The following CALN1 variants were observed in gnomAD, a reference collection of about 807,000 sequenced individuals.
CALN1 encodes the protein calneuron 1, also known as calcium-binding protein 8.
CALN1 carries 17 observed loss-of-function variants against 30.6 expected under a neutral mutation model. That is an observed-to-expected ratio of 0.56 (90% confidence interval 0.38 to 0.83). The LOEUF is 0.83. CALN1 is among the 40% of genes least tolerant of loss of function. The probability of loss-of-function intolerance (pLI) is 0.00; values close to 1 mark genes in which losing one functional copy is unlikely to be tolerated. For synonymous variants in CALN1, 156 were observed against 131.4 expected, an observed-to-expected ratio of 1.19 and a Z score of -1.28; for missense variants, 291 against 354.9, an observed-to-expected ratio of 0.82 and a Z score of 1.45.
intron 5 of CALN1, chr7:71,913,773 A>G (rs1421979979): frequency 1.3e-5 from 2 of 152,250 alleles, no homozygotes; most frequent in African/African-American, 4.8e-5. Context: ...GTGGTCTCCC[A>G]TCCATGCACT....
intron 5 of CALN1, among the ~76,000 whole-genome samples, chr7:71,881,816 T>C (rs971668732): frequency 5.3e-5 from 8 of 151,974 alleles, no homozygotes; most frequent in African/African-American, 9.7e-5. Flanking sequence ...CTCATGCCTG[T>C]AATCCCAGCA....
At chr7:72,288,939 T>C (rs980856576) in intron 2 of CALN1, among the ~76,000 whole-genome samples, 1 of 152,246 alleles carries the variant, frequency 6.6e-6, no homozygotes, top group Non-Finnish European at 1.5e-5. Context: ...TCTTGCAGGC[T>C]ACTCCTTTGT....
At chr7:72,344,002 A>G (rs1198196771) in intron 2 of CALN1, among the ~76,000 whole-genome samples, 1 of 152,124 alleles carries the variant, frequency 6.6e-6, no homozygotes, top group Admixed American at 6.5e-5. Flanking sequence ...CAGGAGACTA[A>G]AGATAAAGAA....
At chr7:72,310,902 C>T (rs766551640) in intron 2 of CALN1, among the ~76,000 whole-genome samples, 6 of 78,012 alleles carry the variant, frequency 7.7e-5, no homozygotes, top group East Asian at 3.8e-4. Flanking sequence ...AGCAAGACTC[C>T]GTCTTAAAAA....
chr7:71,904,637 C>T (rs1335198652), intron 5 of CALN1, among the ~76,000 whole-genome samples: 2 of 152,144 alleles, frequency 1.3e-5, no homozygotes, highest in Non-Finnish European at 2.9e-5. Context: ...TATCGTACAG[C>T]AAGCTGACTA....
intron 3 of CALN1, among the ~76,000 whole-genome samples, chr7:72,110,472 C>T (rs1563067208): frequency 6.6e-6 from 1 of 152,188 alleles, no homozygotes; most frequent in Admixed American, 6.5e-5. Flanking sequence ...AAGCCCAGGA[C>T]AGCGCAGGCC....
Position 71,787,600 on chromosome 7 carries a change from T to C in CALN1, c.*175A>G, listed in dbSNP as rs1304805671. 1.5e-5 allele frequency: 11 copies of C among 752,052 alleles called. No individual in the cohort carries two copies. The highest frequency in any genetic ancestry group is 1.7e-5 in the African/African-American group (1 of 57,156). 46.6% of individuals were successfully genotyped at this position (752,052 alleles called of 1,614,324 possible). A position where few individuals can be genotyped will look rare whatever the true frequency, so the allele number is the denominator to read the frequency against. On this transcript the variant is annotated 3_prime_UTR_variant, in exon 7 of 7. Coordinates refer to ENST00000395275, the MANE Select transcript of CALN1 (RefSeq NM_031468.4). ...CCCTTTAGTGTCCCTGCCAAGGAGATGAAGCTGAAGTGCAACCCCAGTTGC... is the reference window on the plus strand; with the variant it reads ...CCCTTTAGTGTCCCTGCCAAGGAGACGAAGCTGAAGTGCAACCCCAGTTGC...
chr7:72,244,650 T>C (rs990594636), intron 3 of CALN1, among the ~76,000 whole-genome samples: 7 of 151,182 alleles, frequency 4.6e-5, no homozygotes, highest in Admixed American at 1.3e-4. Context: ...CCATAAAGGA[T>C]GTGGCAATTA....
At chr7:72,266,933 G>T (rs1408359785) in intron 3 of CALN1, among the ~76,000 whole-genome samples, 2 of 152,308 alleles carry the variant, frequency 1.3e-5, no homozygotes, top group South Asian at 4.1e-4. Context: ...AGGTACCCAG[G>T]CAGATAAAAG....
intron 3 of CALN1, among the ~76,000 whole-genome samples, chr7:72,238,894 A>G (rs1050994310): frequency 1.3e-5 from 2 of 152,192 alleles, no homozygotes; most frequent in African/African-American, 4.8e-5. Flanking sequence ...TCATAGAAAA[A>G]GAAAAGATTG....
chr7:72,269,753 T>C (rs1043178024), intron 3 of CALN1, among the ~76,000 whole-genome samples: 2 of 152,148 alleles, frequency 1.3e-5, no homozygotes, highest in Admixed American at 6.5e-5. Context: ...CACTCTAACA[T>C]AGGATTCACA....
chr7:72,304,206 T>TA (rs1799494238), intron 2 of CALN1, among the ~76,000 whole-genome samples: 1 of 152,258 alleles, frequency 6.6e-6, no homozygotes, highest in Non-Finnish European at 1.5e-5. Flanking sequence ...GCAATAAAGC[T>TA]ATTCAATTCA....
intron 5 of CALN1, among the ~76,000 whole-genome samples, chr7:71,925,361 T>A (rs1042877551): frequency 6.6e-6 from 1 of 152,136 alleles, no homozygotes; most frequent in Non-Finnish European, 1.5e-5. Context: ...AAATTCTTAT[T>A]CTTTATGAAG....
chr7:72,255,424 A>AT (rs948970917), intron 3 of CALN1, among the ~76,000 whole-genome samples: 15 of 135,690 alleles, frequency 1.1e-4, no homozygotes, highest in East Asian at 4.5e-4. Flanking sequence ...TATTATTGTT[A>AT]TTTTTTTTGA....
chr7:71,892,550 G>C (rs1350247080), intron 5 of CALN1, among the ~76,000 whole-genome samples: 2 of 152,180 alleles, frequency 1.3e-5, no homozygotes, highest in Non-Finnish European at 2.9e-5. Context: ...GCTTGAGCCT[G>C]GGAGGCAGAG....
intron 4 of CALN1, among the ~76,000 whole-genome samples, chr7:72,100,308 A>C (rs1166321366): frequency 6.6e-6 from 1 of 151,874 alleles, no homozygotes; most frequent in African/African-American, 2.4e-5. Context: ...CAGCCTCCCA[A>C]GTAGCTGGGA....
intron 3 of CALN1, among the ~76,000 whole-genome samples, chr7:72,122,559 T>C (rs1248742590): frequency 6.6e-6 from 1 of 151,982 alleles, no homozygotes; most frequent in African/African-American, 2.4e-5. Context: ...CAACTATCTC[T>C]ATGAGAAATT....
intron 3 of CALN1, among the ~76,000 whole-genome samples, chr7:72,205,584 A>ATATATATATATATATATATC (rs1791814763): frequency 7.5e-6 from 1 of 133,690 alleles, no homozygotes; most frequent in Non-Finnish European, 1.5e-5. Context: ...ATATATATAT[A>ATATATATATATATATATATC]TATTCAGGAG....
chr7:71,789,221 A>G (rs1793171114), intron 6 of CALN1, among the ~76,000 whole-genome samples: 1 of 151,868 alleles, frequency 6.6e-6, no homozygotes, highest in Admixed American at 6.6e-5. Flanking sequence ...GTTTGAGACC[A>G]GCCTGGCCGA....
Sources: gnomAD v4.1 joint callset for allele counts (sites outside exome capture counted in the v4.1 genomes callset) on GRCh38, gnomAD v4.1.1 for gene constraint, MANE v1.5 for transcripts, NCBI Gene and HGNC (gene_info 2026-07-23, HGNC 2026-07-21) for gene names.